The following RGS6 variants were observed in gnomAD, a reference collection of about 807,000 sequenced individuals.
RGS6 encodes regulator of G protein signaling 6.
Under a neutral mutation model 78.5 loss-of-function variants are expected in RGS6, and 30 were observed. The ratio of observed to expected loss-of-function variants is 0.38; its 90% confidence interval spans 0.29 to 0.52. The LOEUF is 0.52. Among genes scored for constraint, RGS6 ranks in the 20% least tolerant of loss-of-function variants. The pLI, the probability that RGS6 is intolerant of heterozygous loss-of-function variation, is 0.85. For missense variants in RGS6, 495 were observed against 609.7 expected, an observed-to-expected ratio of 0.81 and a Z score of 1.98; for synonymous variants, 206 against 206.0, an observed-to-expected ratio of 1.00 and a Z score of 0.00.
chr14:72,622,084 A>C, the RGS6 span, among the ~76,000 whole-genome samples: 1 of 152,318 alleles, frequency 6.6e-6, no homozygotes, highest in African/African-American at 2.4e-5. Context: ...AATGTCTTTG[A>C]CCTTGTCTTC....
chr14:72,240,203 T>C lies in RGS6; in HGVS notation c.85-111892T>C, dbSNP rs980032522. Among the ~76,000 whole-genome samples the C allele has an allele frequency of 5.9e-5, 9 of 152,294 alleles. No individual in the cohort carries two copies. In the South Asian group the frequency reaches 1.5e-3, roughly 25 times the overall value. On this transcript the variant is annotated intron_variant, in intron 2 of 17. Coordinates refer to ENST00000553525, the MANE Select transcript of RGS6 (RefSeq NM_001204424.2). ...AGTTTGAGGGAATCCTTTGAATAAA[T>C]ATGATTTTCTGCCTCCACACTTAAT...
At chr14:72,091,321 T>C (rs2095262917) in intron 2 of RGS6, among the ~76,000 whole-genome samples, 1 of 152,194 alleles carries the variant, frequency 6.6e-6, no homozygotes, top group Admixed American at 6.5e-5. Flanking sequence ...CGGACACCAC[T>C]GAGGATGCAT....
At chr14:72,540,653 G>A (rs554675192) in intron 17 of RGS6, 14 of 1,405,450 alleles carry the variant, frequency 1.0e-5, no homozygotes, top group South Asian at 4.5e-5. Flanking sequence ...TGTGTTAGTC[G>A]CCTCTGCATG....
rs1467640441 is a variant in RGS6 at position 72,548,354 on chromosome 14, T to TGCGCGCGCGC, written c.1422+8261_1422+8262insCGCGCGCGCG. The stretch of plus-strand genomic sequence containing the variant: ...GTGTGTGTGTGTGTGCGCGCGTGTG[T>TGCGCGCGCGC]GTGTGTGTGTGTGTGTGTTTTAAAT... On this transcript the variant is annotated intron_variant, in intron 17 of 17. Transcript: ENST00000553525. Among the ~76,000 whole-genome samples the TGCGCGCGCGC allele has an allele frequency of 3.6e-4, 48 of 133,882 alleles. 1 individual carries two copies. The highest frequency in any genetic ancestry group is 4.3e-4 in the Admixed American group (6 of 14,058). 87.8% of individuals were successfully genotyped at this position (133,882 alleles called of 152,430 possible). A position where few individuals can be genotyped will look rare whatever the true frequency, so the allele number is the denominator to read the frequency against.
chr14:72,447,561 C>T (rs1405739308), intron 3 of RGS6, among the ~76,000 whole-genome samples: 1 of 152,210 alleles, frequency 6.6e-6, no homozygotes, highest in African/African-American at 2.4e-5. Context: ...CTGGGTTAGA[C>T]ACTTGGCTGG....
chr14:72,301,753 G>T (rs1347262128), intron 2 of RGS6, among the ~76,000 whole-genome samples: 1 of 152,026 alleles, frequency 6.6e-6, no homozygotes, highest in Non-Finnish European at 1.5e-5. Flanking sequence ...GGCATTCCTT[G>T]GCTTGTAGAA....
At chr14:72,070,780 T>C (rs2094380006) in intron 2 of RGS6, among the ~76,000 whole-genome samples, 1 of 152,196 alleles carries the variant, frequency 6.6e-6, no homozygotes, top group Non-Finnish European at 1.5e-5. Context: ...GCTCAAGTAC[T>C]CTGGAGTTAA....
the RGS6 span, among the ~76,000 whole-genome samples, chr14:72,587,054 C>G: frequency 1.3e-5 from 2 of 152,138 alleles, no homozygotes; most frequent in Non-Finnish European, 2.9e-5. Context: ...AGGACTGTGT[C>G]CAGCCATAAC....
the RGS6 span, among the ~76,000 whole-genome samples, chr14:71,922,732 T>C: frequency 3.9e-5 from 6 of 152,332 alleles, no homozygotes; most frequent in Admixed American, 2.6e-4. Flanking sequence ...AGTTTCTTAG[T>C]CTTTTAAAAA....
At chr14:72,426,299 A>G (rs2094432518) in intron 3 of RGS6, among the ~76,000 whole-genome samples, 1 of 152,204 alleles carries the variant, frequency 6.6e-6, no homozygotes, top group African/African-American at 2.4e-5. Context: ...ATTCAATATC[A>G]CATAATTAAT....
rs566093762 is a variant in RGS6, at chr14:72,067,408, G to A, written c.84+102533G>A. On this transcript the variant is annotated intron_variant, in intron 2 of 17. Transcript: ENST00000553525. ...AATAGGTTGATGGGTGCAGCAAAAC[G>A]CCCTGGCACATGTATACCTATGTAA... Among the ~76,000 whole-genome samples, 10 of 152,226 alleles carry A rather than the reference G, an allele frequency of 6.6e-5. No homozygotes were observed. In the South Asian group the frequency reaches 1.7e-3, roughly 25 times the overall value.
intron 2 of RGS6, among the ~76,000 whole-genome samples, chr14:72,118,708 A>T (rs1347283165): frequency 1.3e-5 from 2 of 152,256 alleles, no homozygotes; most frequent in Non-Finnish European, 2.9e-5. Flanking sequence ...ATGGCATGGC[A>T]ATGGATTTCA....
chr14:72,417,922 G>A (rs1261194710), intron 3 of RGS6, among the ~76,000 whole-genome samples: 1 of 152,126 alleles, frequency 6.6e-6, no homozygotes, highest in Non-Finnish European at 1.5e-5. Flanking sequence ...GAGAGCTCAG[G>A]CTGTACTTTA....
intron 2 of RGS6, among the ~76,000 whole-genome samples, chr14:72,010,644 G>C (rs1389612957): frequency 6.6e-6 from 1 of 152,138 alleles, no homozygotes; most frequent in Non-Finnish European, 1.5e-5. Flanking sequence ...CAACAAACCA[G>C]ATTGAAAATC....
chr14:72,117,916 A>C (rs1272347284), intron 2 of RGS6, among the ~76,000 whole-genome samples: 2 of 151,774 alleles, frequency 1.3e-5, no homozygotes, highest in African/African-American at 4.8e-5. Flanking sequence ...CTAATAACAG[A>C]CAATCTCCTC....
At chr14:72,406,615 T>A (rs1179305664) in intron 3 of RGS6, among the ~76,000 whole-genome samples, 1 of 152,192 alleles carries the variant, frequency 6.6e-6, no homozygotes. Context: ...GCTACCAGAT[T>A]TCTCCTAAAG....
chr14:72,468,618 T>G (rs979818647), intron 7 of RGS6, among the ~76,000 whole-genome samples: 1 of 152,166 alleles, frequency 6.6e-6, no homozygotes, highest in Admixed American at 6.5e-5. Context: ...TACAAAACTA[T>G]ATCAGAATCA....
intron 2 of RGS6, among the ~76,000 whole-genome samples, chr14:72,157,922 C>T (rs576561608): frequency 6.6e-6 from 1 of 151,996 alleles, no homozygotes; most frequent in East Asian, 1.9e-4. Context: ...ATACATGTGC[C>T]ATGGTGGTTT....
the RGS6 span, among the ~76,000 whole-genome samples, chr14:72,597,823 A>G: frequency 6.6e-6 from 1 of 152,166 alleles, no homozygotes; most frequent in African/African-American, 2.4e-5. Flanking sequence ...GGAGCAGAGA[A>G]AAATCAGCCC....
Sources: allele counts gnomAD v4.1 joint callset (sites outside exome capture counted in the v4.1 genomes callset), GRCh38; gene constraint gnomAD v4.1.1; transcripts MANE v1.5; gene names NCBI Gene and HGNC (gene_info 2026-07-23, HGNC 2026-07-21).